The following KCNH5 variants were observed in gnomAD, a reference collection of about 807,000 sequenced individuals.
KCNH5 encodes voltage-gated delayed rectifier potassium channel KCNH5.
KCNH5 carries 46 observed loss-of-function variants against 96.1 expected under a neutral mutation model. The observed-to-expected ratio is 0.48, with a 90% confidence interval of 0.38 to 0.61. The LOEUF (loss-of-function observed/expected upper bound fraction) is 0.61, where lower values mean the gene tolerates loss of function less well. Ranked by LOEUF, KCNH5 falls within the 20% of genes least tolerant of loss-of-function variation. The probability of loss-of-function intolerance (pLI) is 0.00; values close to 1 mark genes in which losing one functional copy is unlikely to be tolerated. For missense variants in KCNH5, 907 were observed against 1,225.8 expected, an observed-to-expected ratio of 0.74 and a Z score of 3.88; for synonymous variants, 439 against 449.8, an observed-to-expected ratio of 0.98 and a Z score of 0.30.
At chr14:62,959,771 C>T (rs1351435553) in intron 6 of KCNH5, among the ~76,000 whole-genome samples, 1 of 152,066 alleles carries the variant, frequency 6.6e-6, no homozygotes, top group Non-Finnish European at 1.5e-5. Flanking sequence ...TTTATCAATA[C>T]ATAATTTTAA....
At chr14:62,882,472 T>G (rs1435178258) in intron 7 of KCNH5, among the ~76,000 whole-genome samples, 2 of 152,156 alleles carry the variant, frequency 1.3e-5, no homozygotes, top group East Asian at 3.9e-4. Context: ...ATACACTCAG[T>G]AACCAGACTT....
chr14:62,821,884 G>T (rs1347405804), intron 8 of KCNH5, among the ~76,000 whole-genome samples: 1 of 152,052 alleles, frequency 6.6e-6, no homozygotes, highest in Non-Finnish European at 1.5e-5. Flanking sequence ...ACAGCAAATT[G>T]ATAAAAATGT....
In KCNH5 at chr14:62,950,223, T is replaced by G. The variant is rs754279927; in HGVS notation, c.1279A>C (p.Met427Leu). 3.1e-6 allele frequency: 5 copies of G among 1,614,016 alleles called. No individual in the cohort carries two copies. The highest frequency in any genetic ancestry group is 3.4e-6 in the Non-Finnish European group (4 of 1,179,936). The part of the protein sequence containing the change: ...SLYVSSLYFT[M>L]TSLTTIGFGN... Reference sequence around the variant, plus strand: ...AATCCTATGGTTGTAAGGCTTGTCATGGTAAAGTAGAGAGAGGACACGTAC... The same window carrying G: ...AATCCTATGGTTGTAAGGCTTGTCAGGGTAAAGTAGAGAGAGGACACGTAC... Residue 427 changes from methionine (M) to leucine (L), a missense_variant, in exon 7 of 11, where the codon ATG becomes CTG. Met to Leu is a conservative substitution (Grantham distance 15). Around this residue, in one of 6 missense-constraint regions of KCNH5, gnomAD observed 370 missense variants for 561.3 expected, o/e 0.66. Coordinates refer to ENST00000322893, the MANE Select transcript of KCNH5 (RefSeq NM_139318.5).
At chr14:62,939,889 G>A (rs1414973585) in intron 7 of KCNH5, among the ~76,000 whole-genome samples, 1 of 151,950 alleles carries the variant, frequency 6.6e-6, no homozygotes, top group Non-Finnish European at 1.5e-5. Flanking sequence ...GCAGTGAGCT[G>A]AGATCACACC....
At chr14:62,855,806 G>A (rs1887916060) in intron 7 of KCNH5, among the ~76,000 whole-genome samples, 1 of 152,126 alleles carries the variant, frequency 6.6e-6, no homozygotes, top group African/African-American at 2.4e-5. Context: ...TCAGAAGATT[G>A]AACAATGTTA....
intron 6 of KCNH5, among the ~76,000 whole-genome samples, chr14:62,969,238 G>A (rs1031647781): frequency 1.6e-4 from 24 of 152,142 alleles, no homozygotes; most frequent in African/African-American, 5.8e-4. Flanking sequence ...ATTTAACAAT[G>A]CGTAGGATAG....
At chr14:62,920,695 A>G (rs542525583) in intron 7 of KCNH5, among the ~76,000 whole-genome samples, 9 of 152,312 alleles carry the variant, frequency 5.9e-5, no homozygotes, top group African/African-American at 2.2e-4. Context: ...AATCTTGAAA[A>G]TGAGAGTCAT....
At chr14:62,933,593 T>G (rs973343460) in intron 7 of KCNH5, among the ~76,000 whole-genome samples, 2 of 152,012 alleles carry the variant, frequency 1.3e-5, no homozygotes, top group African/African-American at 2.4e-5. Flanking sequence ...TGACTAAAAC[T>G]GAAAATTCTC....
intron 10 of KCNH5, among the ~76,000 whole-genome samples, chr14:62,770,383 T>C (rs1362682569): frequency 2.6e-5 from 4 of 152,226 alleles, no homozygotes; most frequent in Non-Finnish European, 5.9e-5. Context: ...TATTGAGTTC[T>C]GAGCCTGTGC....
At chr14:62,777,745 T>A (rs964540801) in intron 10 of KCNH5, among the ~76,000 whole-genome samples, 4 of 152,186 alleles carry the variant, frequency 2.6e-5, no homozygotes, top group Non-Finnish European at 5.9e-5. Context: ...CTGGGTCCTG[T>A]TGAAAAACCA....
In KCNH5 at chr14:62,702,301, T is replaced by C. The variant is rs1884360310; in HGVS notation, c.*5207A>G. On this transcript the variant is annotated 3_prime_UTR_variant, in exon 11 of 11. Coordinates refer to ENST00000322893, the MANE Select transcript of KCNH5 (RefSeq NM_139318.5). ...AAACTCTGTCATTGACTCTGACCTA[T>C]CAAGAAAAACCAAACATTTACATTC... The C allele has an allele frequency of 6.6e-6, 1 of 152,054 alleles. No individual in the cohort carries two copies. Among genetic ancestry groups the C allele is most frequent in the African/African-American group, 2.4e-5 (1 of 41,462 alleles). The allele number at this position is 152,054 out of a possible 1,614,324, so 9.4% of individuals were successfully genotyped here.
At chr14:62,919,099 C>T (rs1161607997) in intron 7 of KCNH5, among the ~76,000 whole-genome samples, 1 of 151,918 alleles carries the variant, frequency 6.6e-6, no homozygotes, top group East Asian at 1.9e-4. Context: ...AAATTGATTA[C>T]AAAAAGTGTA....
At chr14:62,867,167 G>A (rs138551886) in intron 7 of KCNH5, among the ~76,000 whole-genome samples, 13 of 152,254 alleles carry the variant, frequency 8.5e-5, no homozygotes, top group East Asian at 7.7e-4. Context: ...GCAGAGCCCC[G>A]TCATGTGGCC....
chr14:62,700,110 G>A lies in KCNH5; in HGVS notation c.*7398C>T, dbSNP rs1884324689. 6.6e-6 allele frequency: 1 copy of A among 152,138 alleles called. No individual in the cohort carries two copies. The highest frequency in any genetic ancestry group is 2.4e-5 in the African/African-American group (1 of 41,438). The allele number at this position is 152,138 out of a possible 1,614,324, so 9.4% of individuals were successfully genotyped here. On this transcript the variant is annotated 3_prime_UTR_variant, in exon 11 of 11. Transcript: ENST00000322893. ...TTAGTGTTATAGTAGAATTTACATT[G>A]TAGTATACAAAATGCCACAACTAGT...
chr14:62,909,030 G>GTT (rs1566703759), intron 7 of KCNH5, among the ~76,000 whole-genome samples: 4 of 100,770 alleles, frequency 4.0e-5, no homozygotes, highest in African/African-American at 1.6e-4. Flanking sequence ...ACTATGCTAC[G>GTT]TATTTTTTTT....
chr14:62,906,880 G>A (rs1447589120), intron 7 of KCNH5, among the ~76,000 whole-genome samples: 8 of 152,058 alleles, frequency 5.3e-5, no homozygotes, highest in Non-Finnish European at 1.0e-4. Context: ...GAATCCAACC[G>A]ACCCCAAAGT....
intron 3 of KCNH5, among the ~76,000 whole-genome samples, chr14:63,002,351 G>A (rs983830934): frequency 4.6e-5 from 7 of 152,316 alleles, no homozygotes; most frequent in African/African-American, 1.4e-4. Flanking sequence ...CTTCAAAGGT[G>A]TAATTATCTG....
At position 62,854,387 on chromosome 14, in the gene KCNH5, T is replaced by C. The variant is rs539077797; in HGVS notation, c.1370-4535A>G. Among the ~76,000 whole-genome samples, 4 of 152,308 alleles carry C rather than the reference T, an allele frequency of 2.6e-5. No homozygotes were observed. The East Asian group carries it at 5.8e-4, about 22-fold the overall frequency. ...ACATTTTATTTTCATATCAAAATCT[T>C]ACTACCAGTGTTATAAATATACAGA... On this transcript the variant is annotated intron_variant, in intron 7 of 10. Transcript: ENST00000322893.
At chr14:62,967,613 AG>A (rs1358617569) in intron 6 of KCNH5, among the ~76,000 whole-genome samples, 5 of 152,172 alleles carry the variant, frequency 3.3e-5, no homozygotes, top group Non-Finnish European at 5.9e-5. Flanking sequence ...GTGTGAAAGC[AG>A]GGACATTAGG....
Sources: allele counts gnomAD v4.1 joint callset (sites outside exome capture counted in the v4.1 genomes callset), GRCh38; gene constraint gnomAD v4.1.1; regional missense constraint gnomAD v4.1.1; transcripts MANE v1.5; gene names NCBI Gene and HGNC (gene_info 2026-07-23, HGNC 2026-07-21).